SPECC1L: variants seen among roughly 807,000 people sequenced by gnomAD.
The protein encoded by SPECC1L is sperm antigen with calponin homology and coiled-coil domains 1 like, also known as cytospin-A.
Under a neutral mutation model 116.8 loss-of-function variants are expected in SPECC1L, and 40 were observed. That is an observed-to-expected ratio of 0.34 (90% CI 0.27 to 0.45). The LOEUF is 0.45. Among genes scored for constraint, SPECC1L ranks in the 20% least tolerant of loss-of-function variants. The probability of loss-of-function intolerance (pLI) is 1.00; values close to 1 mark genes in which losing one functional copy is unlikely to be tolerated. For missense variants in SPECC1L, 1,110 were observed against 1,373.6 expected (o/e 0.81, Z 3.03); for synonymous variants, 504 against 500.6 (o/e 1.01, Z -0.09).
At chr22:24,414,511 C>T (rs2042765463) in intron 16 of SPECC1L, 23 bp from the exon 17 acceptor site, 9 of 1,610,248 alleles carry the variant, frequency 5.6e-6, no homozygotes, top group Non-Finnish European at 6.8e-6. Flanking sequence ...CAGTTCTAAC[C>T]AAGCGTCTTC....
At chr22:24,355,065 G>A (rs1266859400) in intron 11 of SPECC1L, among the ~76,000 whole-genome samples, 1 of 151,508 alleles carries the variant, frequency 6.6e-6, no homozygotes, top group Non-Finnish European at 1.5e-5. Flanking sequence ...CGGATCAGGA[G>A]GTCAAGAGAT....
intron 9 of SPECC1L, 126 bp downstream of exon 9, chr22:24,334,699 A>C (rs544299526): frequency 9.8e-7 from 1 of 1,022,506 alleles, no homozygotes; most frequent in South Asian, 1.3e-5. Context: ...TATAGTATTA[A>C]TGCACTAGAC....
chr22:24,337,078 G>C (rs745823441), intron 9 of SPECC1L, among the ~76,000 whole-genome samples: 2 of 152,080 alleles, frequency 1.3e-5, no homozygotes, highest in Non-Finnish European at 2.9e-5. Context: ...TGCTTATGAT[G>C]GGTTTATCAG....
intron 15 of SPECC1L, 27 bp from the exon 16 acceptor site, chr22:24,412,621 A>C: frequency 6.2e-7 from 1 of 1,613,226 alleles, no homozygotes; most frequent in Non-Finnish European, 8.5e-7. Context: ...TTGTTCATGC[A>C]CTGCAGTGAC....
chr22:24,314,342 C>G (rs2040519409), intron 4 of SPECC1L, among the ~76,000 whole-genome samples: 1 of 152,234 alleles, frequency 6.6e-6, no homozygotes, highest in Non-Finnish European at 1.5e-5. Context: ...AGCCACCACG[C>G]CCGACCAGAG....
chr22:24,363,976 A>G (rs1330660480), intron 12 of SPECC1L, among the ~76,000 whole-genome samples: 1 of 152,118 alleles, frequency 6.6e-6, no homozygotes, highest in Non-Finnish European at 1.5e-5. Context: ...AGGGGAAAAC[A>G]ATTACTGACA....
At chr22:24,278,548 T>C (rs1467714124) in intron 2 of SPECC1L, among the ~76,000 whole-genome samples, 2 of 152,326 alleles carry the variant, frequency 1.3e-5, no homozygotes, top group East Asian at 3.9e-4. Context: ...TATTGACTGT[T>C]AGGTGCCAGG....
At chr22:24,300,322 T>A (rs181056666) in intron 2 of SPECC1L, among the ~76,000 whole-genome samples, 1 of 152,252 alleles carries the variant, frequency 6.6e-6, no homozygotes, top group African/African-American at 2.4e-5. Flanking sequence ...TTCCTTCTTA[T>A]GGCTGCATAG....
intron 10 of SPECC1L, among the ~76,000 whole-genome samples, chr22:24,340,417 G>T (rs964093857): frequency 6.6e-6 from 1 of 152,072 alleles, no homozygotes; most frequent in Non-Finnish European, 1.5e-5. Flanking sequence ...AAAGTGCTGG[G>T]ATTACAGGCG....
At chr22:24,372,363 C>A (rs1299026083) in intron 14 of SPECC1L, among the ~76,000 whole-genome samples, 1 of 152,180 alleles carries the variant, frequency 6.6e-6, no homozygotes, top group Non-Finnish European at 1.5e-5. Context: ...CCCTGATGAA[C>A]ATTGATGCAA....
intron 2 of SPECC1L, among the ~76,000 whole-genome samples, chr22:24,291,876 T>TTTG (rs143303070): frequency 1.4e-4 from 21 of 152,286 alleles, no homozygotes; most frequent in Non-Finnish European, 2.8e-4. Flanking sequence ...GTGTTTTCTT[T>TTTG]TTGTTGTTGT....
At chr22:24,342,309 A>G (rs1234476256) in intron 10 of SPECC1L, among the ~76,000 whole-genome samples, 2 of 152,230 alleles carry the variant, frequency 1.3e-5, no homozygotes, top group African/African-American at 2.4e-5. Context: ...AGCAATGTAA[A>G]TATGATCTCT....
At chr22:24,333,558 C>CTT (rs200205936) in intron 8 of SPECC1L, among the ~76,000 whole-genome samples, 3 of 135,468 alleles carry the variant, frequency 2.2e-5, no homozygotes, top group Non-Finnish European at 4.8e-5. Context: ...TGGGTCTAGG[C>CTT]TTTTTTTTTT....
At chr22:24,314,328 C>T (rs1404593693) in intron 4 of SPECC1L, among the ~76,000 whole-genome samples, 2 of 152,208 alleles carry the variant, frequency 1.3e-5, no homozygotes, top group Non-Finnish European at 2.9e-5. Flanking sequence ...GTATTACAGG[C>T]GTGAGCCACC....
chr22:24,312,607 C>T (rs2040484154), intron 3 of SPECC1L, among the ~76,000 whole-genome samples: 2 of 152,118 alleles, frequency 1.3e-5, no homozygotes, highest in South Asian at 4.1e-4. Context: ...AAAAACGTTT[C>T]TTCACTACTT....
At chr22:24,313,556 A>G in intron 4 of SPECC1L, 90 bp downstream of exon 4, 1 of 1,449,988 alleles carries the variant, frequency 6.9e-7, no homozygotes, top group Non-Finnish European at 9.6e-7. Context: ...ATCTAATTAT[A>G]GGAAATTTTA....
rs908532668 is a variant in SPECC1L, at chr22:24,365,416, T to G, written c.2828-60T>G. On this transcript the variant is annotated intron_variant, in intron 12 of 16. Transcript: ENST00000314328. Reference sequence around the variant, plus strand: ...TTTTGGAATCTTCAGAAAAAAAAAATCTCAAGAACTCAGTCTAAAATGTTT... The same window carrying G: ...TTTTGGAATCTTCAGAAAAAAAAAAGCTCAAGAACTCAGTCTAAAATGTTT... 46 of 1,535,016 alleles carry G rather than the reference T, an allele frequency of 3.0e-5. No individual in the cohort carries two copies. The Admixed American group carries it at 7.9e-4, about 26-fold the overall frequency.
intron 2 of SPECC1L, among the ~76,000 whole-genome samples, chr22:24,285,200 C>G (rs1465574069): frequency 6.6e-6 from 1 of 152,108 alleles, no homozygotes; most frequent in African/African-American, 2.4e-5. Flanking sequence ...AGCTATATGT[C>G]TACTAGTACT....
At chr22:24,414,376 G>GGC (rs1569452451) in intron 16 of SPECC1L, among the ~76,000 whole-genome samples, 158 bp from the exon 17 acceptor site, 1 of 152,210 alleles carries the variant, frequency 6.6e-6, no homozygotes, top group Non-Finnish European at 1.5e-5. Flanking sequence ...GCCCAGGGAG[G>GGC]AAGCATTCTT....
Sources: allele counts gnomAD v4.1 joint callset (sites outside exome capture counted in the v4.1 genomes callset), GRCh38; gene constraint gnomAD v4.1.1; transcripts MANE v1.5; gene names NCBI Gene and HGNC (gene_info 2026-07-23, HGNC 2026-07-21).